Variants in SOX13 observed in about 807,000 individuals in gnomAD.
The protein encoded by SOX13 is SRY-box transcription factor 13.
SOX13 carries 28 observed loss-of-function variants against 71.8 expected under a neutral mutation model. That is an observed-to-expected ratio of 0.39 (90% CI 0.29 to 0.53). The LOEUF (loss-of-function observed/expected upper bound fraction) is 0.53. Among genes scored for constraint, SOX13 ranks in the 20% least tolerant of loss-of-function variants. The pLI is 0.70. For synonymous variants in SOX13, 309 were observed against 317.8 expected (o/e 0.97, Z 0.29); for missense variants, 627 against 810.3 (o/e 0.77, Z 2.75).
intron 1 of SOX13, among the ~76,000 whole-genome samples, chr1:204,101,395 G>A (rs1034521869): frequency 3.3e-5 from 5 of 151,848 alleles, no homozygotes; most frequent in South Asian, 2.1e-4. Context: ...GGCTGGGCGC[G>A]GTGGCTAACA....
In SOX13 at chr1:204,126,159, T is replaced by C. The variant is rs746011970; in HGVS notation, c.*25T>C. ...ATCCCGGCTGGGTGGGCCTGGCCCC[T>C]TCTCCTCTGGGGAAGACCTTGTCCC... On this transcript the variant is annotated 3_prime_UTR_variant, in exon 14 of 14. Transcript: ENST00000367204. 1.9e-6 allele frequency: 3 copies of C among 1,606,734 alleles called. No homozygotes were observed. The East Asian group carries it at 6.7e-5, about 36-fold the overall frequency.
intron 1 of SOX13, among the ~76,000 whole-genome samples, chr1:204,077,305 C>T (rs954590019): frequency 1.3e-5 from 2 of 152,148 alleles, no homozygotes; most frequent in African/African-American, 4.8e-5. Context: ...GGCGATGCAT[C>T]CATCAGAGAG....
chr1:204,091,733 C>CGTGTGTGT (rs4018610), intron 1 of SOX13, among the ~76,000 whole-genome samples: 2 of 150,276 alleles, frequency 1.3e-5, no homozygotes, highest in African/African-American at 4.9e-5. Context: ...TGTGCGTGTG[C>CGTGTGTGT]GTGTGTGTGT....
intron 1 of SOX13, among the ~76,000 whole-genome samples, chr1:204,080,280 G>T (rs1297504403): frequency 6.6e-6 from 1 of 152,186 alleles, no homozygotes; most frequent in Non-Finnish European, 1.5e-5. Context: ...CTGCCCAAGG[G>T]ATTGGGGCAG....
intron 1 of SOX13, among the ~76,000 whole-genome samples, chr1:204,104,478 G>A (rs1656419959): frequency 1.3e-5 from 2 of 152,256 alleles, no homozygotes; most frequent in Admixed American, 6.5e-5. Flanking sequence ...GCAGGATGTG[G>A]CACCGGGGCA....
intron 1 of SOX13, among the ~76,000 whole-genome samples, chr1:204,106,386 CTG>C (rs929746472): frequency 1.3e-5 from 2 of 152,180 alleles, no homozygotes; most frequent in African/African-American, 4.8e-5. Flanking sequence ...CTGCTGAACT[CTG>C]TCACTCTCTT....
intron 1 of SOX13, 118 bp from the exon 2 acceptor site, chr1:204,112,797 T>G (rs1188409800): frequency 2.8e-6 from 2 of 704,864 alleles, no homozygotes; most frequent in Admixed American, 2.9e-5. Flanking sequence ...AGTGTGCCCA[T>G]GTGACAGGCA....
chr1:204,076,341 G>A (rs1053313284), intron 1 of SOX13, among the ~76,000 whole-genome samples: 1 of 152,150 alleles, frequency 6.6e-6, no homozygotes, highest in Non-Finnish European at 1.5e-5. Flanking sequence ...GGGCCCAGGG[G>A]AAGAGTCAGG....
intron 1 of SOX13, among the ~76,000 whole-genome samples, chr1:204,077,895 T>G (rs1387746074): frequency 1.3e-5 from 2 of 152,152 alleles, no homozygotes; most frequent in East Asian, 3.8e-4. Context: ...CACTGCAACC[T>G]CCACCTCCTG....
rs12089381 is a variant in SOX13 at position 204,121,886 on chromosome 1, T to C, written c.776-14T>C. On this transcript the variant is annotated splice_polypyrimidine_tract_variant and intron_variant, in intron 7 of 13. Coordinates refer to ENST00000367204, the MANE Select transcript of SOX13 (RefSeq NM_005686.3). The stretch of plus-strand genomic sequence containing the variant: ...GCTCATCCAGGACTTTTCTCCTTGC[T>C]GCCTTTTCCATAGTGGAGTATCCGC... 0.051 allele frequency: 80,900 copies of C among 1,597,756 alleles called. 3,268 individuals carry two copies. The highest frequency in any genetic ancestry group is 0.22 in the African/African-American group (16,273 of 74,566).
At chr1:204,108,650 G>C (rs544684050) in intron 1 of SOX13, among the ~76,000 whole-genome samples, 20 of 152,254 alleles carry the variant, frequency 1.3e-4, no homozygotes, top group African/African-American at 4.3e-4. Flanking sequence ...CAAGTCCGGA[G>C]TGAGGAGGGA....
intron 1 of SOX13, among the ~76,000 whole-genome samples, chr1:204,080,055 G>A (rs1259349836): frequency 1.3e-5 from 2 of 152,044 alleles, no homozygotes; most frequent in Admixed American, 1.3e-4. Context: ...TTGGGGGAGC[G>A]GAATTTGTGT....
chr1:204,084,221 G>C (rs1182101071), intron 1 of SOX13, among the ~76,000 whole-genome samples: 4 of 152,202 alleles, frequency 2.6e-5, no homozygotes, highest in Non-Finnish European at 5.9e-5. Context: ...ATACGTGGGG[G>C]CCCTGCCTGT....
intron 1 of SOX13, among the ~76,000 whole-genome samples, chr1:204,106,276 A>T (rs776214303): frequency 5.9e-5 from 9 of 152,152 alleles, no homozygotes; most frequent in Non-Finnish European, 1.3e-4. Context: ...GCAGCAGAGG[A>T]TAATTGGGTG....
In SOX13 at chr1:204,112,990, G is replaced by T. The variant is rs750285518; in HGVS notation, c.75G>T (p.Lys25Asn). 3 of 1,613,510 alleles carry T rather than the reference G, an allele frequency of 1.9e-6. No homozygotes were observed. Among genetic ancestry groups the T allele is most frequent in the Admixed American group, 1.7e-5 (1 of 60,004 alleles). ...GVGTMVNCTIKSEEKKEPCHE... is the reference protein window; with the variant it reads ...GVGTMVNCTINSEEKKEPCHE... ...GCACCATGGTGAACTGCACCATCAAGTCAGAGGAGAAGAAAGAGCCTTGCC... is the reference window on the plus strand; with the variant it reads ...GCACCATGGTGAACTGCACCATCAATTCAGAGGAGAAGAAAGAGCCTTGCC... Residue 25 changes from lysine (K) to asparagine (N), a missense_variant, in exon 2 of 14, where the codon AAG (lysine) becomes AAT (asparagine). Lys to Asn is a moderately conservative substitution (Grantham distance 94, BLOSUM62 0). Coordinates refer to ENST00000367204, the MANE Select transcript of SOX13 (RefSeq NM_005686.3).
rs35841451 is a variant in SOX13, at chr1:204,105,413, C to CTTTTTTTTTTTTTTTTT, written c.-1-7492_-1-7491insTTTTTTTTTTTTTTTTT. Among the ~76,000 whole-genome samples the CTTTTTTTTTTTTTTTTT allele has an allele frequency of 2.2e-4, 30 of 137,974 alleles. 3 individuals are homozygous for CTTTTTTTTTTTTTTTTT. The highest frequency in any genetic ancestry group is 8.9e-4 in the African/African-American group (29 of 32,486). The allele number at this position is 137,974 out of a possible 152,430, so 90.5% of individuals were successfully genotyped here. ...GAAGGCCTCTGACTCTGTATAATCT[C>CTTTTTTTTTTTTTTTTT]TTTTTTTTTTGAGACAGAGTCTCCC... On this transcript the variant is annotated intron_variant, in intron 1 of 13. Coordinates refer to ENST00000367204, the MANE Select transcript of SOX13 (RefSeq NM_005686.3).
intron 2 of SOX13, among the ~76,000 whole-genome samples, chr1:204,113,754 G>C (rs780959222): frequency 6.6e-6 from 1 of 152,086 alleles, no homozygotes; most frequent in East Asian, 1.9e-4. Context: ...ATCAAGGAAG[G>C]CTTCCTGGAG....
Position 204,074,717 on chromosome 1 carries a change from G to A in SOX13, c.-2+1006G>A, listed in dbSNP as rs117047431. ...ACAGTACCGGGCGGGGCGGTGAGCC[G>A]GGCCTGGGCGGGAAGTGAATTTTGA... On this transcript the variant is annotated intron_variant, in intron 1 of 13. Coordinates refer to ENST00000367204, the MANE Select transcript of SOX13 (RefSeq NM_005686.3). Among the ~76,000 whole-genome samples the A allele has an allele frequency of 1.3e-3, 193 of 152,280 alleles. 1 individual carries two copies. In the East Asian group the frequency reaches 0.032, roughly 25 times the overall value.
chr1:204,112,893 G>C, intron 1 of SOX13, 22 bp from the exon 2 acceptor site: 1 of 1,602,538 alleles, frequency 6.2e-7, no homozygotes, highest in Non-Finnish European at 8.5e-7. Flanking sequence ...ACTCACCTCA[G>C]CTCACTCTGT....
Sources: gnomAD v4.1 joint callset for allele counts (sites outside exome capture counted in the v4.1 genomes callset) on GRCh38, gnomAD v4.1.1 for gene constraint, MANE v1.5 for transcripts, NCBI Gene and HGNC (gene_info 2026-07-23, HGNC 2026-07-21) for gene names.